TRPM3: variants seen among roughly 807,000 people sequenced by gnomAD.
TRPM3 encodes the protein long transient receptor potential channel 3.
TRPM3 carries 77 observed loss-of-function variants against 181.2 expected under a neutral mutation model. That is an observed-to-expected ratio of 0.42 (90% CI 0.35 to 0.51). The LOEUF (loss-of-function observed/expected upper bound fraction) is 0.51. Among genes scored for constraint, TRPM3 ranks in the 20% least tolerant of loss-of-function variants. The probability of loss-of-function intolerance (pLI) is 0.01; values close to 1 mark genes in which losing one functional copy is unlikely to be tolerated. For missense variants in TRPM3, 1,759 were observed against 2,196.7 expected (o/e 0.80, Z 3.98); for synonymous variants, 745 against 796.4 (o/e 0.94, Z 1.09).
intron 1 of TRPM3, among the ~76,000 whole-genome samples, chr9:71,202,562 A>C (rs2078874927): frequency 6.6e-6 from 1 of 152,132 alleles, no homozygotes; most frequent in Non-Finnish European, 1.5e-5. Context: ...CTTTTGGTTT[A>C]TGTTTATTTC....
rs188572288 is a variant in TRPM3 at position 70,793,886 on chromosome 9, G to T, written c.974-9607C>A. ...AACACTTTGTTATATAATAGACTTT[G>T]TGTTAGATGATTGTACCCATGTGTT... On this transcript the variant is annotated intron_variant, in intron 6 of 25. Transcript: ENST00000677713. Among the ~76,000 whole-genome samples the T allele has an allele frequency of 2.0e-3, 297 of 152,162 alleles. 2 individuals are homozygous for T. The highest frequency in any genetic ancestry group is 3.0e-3 in the Admixed American group (46 of 15,260).
At chr9:71,234,784 T>C (rs7861071) in intron 1 of TRPM3, among the ~76,000 whole-genome samples, 2 of 151,992 alleles carry the variant, frequency 1.3e-5, no homozygotes, top group Admixed American at 6.5e-5. Context: ...GTGTGCACAC[T>C]TTGGGAGATA....
chr9:71,095,917 T>G (rs1055922028), intron 1 of TRPM3, among the ~76,000 whole-genome samples: 3 of 152,044 alleles, frequency 2.0e-5, no homozygotes, highest in Non-Finnish European at 4.4e-5. Context: ...ACATGGAGTT[T>G]TCATCAGAAA....
At chr9:71,191,958 T>C (rs1565323000) in intron 1 of TRPM3, among the ~76,000 whole-genome samples, 1 of 151,750 alleles carries the variant, frequency 6.6e-6, no homozygotes. Context: ...CTCCCTCACA[T>C]AGCACTAAAT....
chr9:70,964,585 G>C (rs1253068176), intron 1 of TRPM3, among the ~76,000 whole-genome samples: 2 of 152,012 alleles, frequency 1.3e-5, no homozygotes, highest in African/African-American at 4.8e-5. Context: ...CGTGGTTGAG[G>C]AACTCACAGA....
At position 71,399,526 on chromosome 9, in the gene TRPM3, GTTTT is replaced by G. The variant is rs1166936123; in HGVS notation, c.183+47123_183+47126del. ...CATTTTACTCCTTATATTTTCTTTT[GTTTT>G]TTTTTTTTTTTTTTTTGAGAAGGAG... is the stretch of plus-strand genomic sequence containing the variant. On this transcript the variant is annotated intron_variant, in intron 1 of 24. Transcript: ENST00000357533. Among the ~76,000 whole-genome samples, 132 of 62,716 alleles carry G rather than the reference GTTTT, an allele frequency of 2.1e-3. 1 individual carries two copies. Among genetic ancestry groups the G allele is most frequent in the South Asian group, 0.013 (25 of 1,922 alleles). 41.1% of individuals were successfully genotyped at this position (62,716 alleles called of 152,430 possible).
chr9:70,682,192 C>T (rs2065628110), intron 8 of TRPM3, among the ~76,000 whole-genome samples: 1 of 151,996 alleles, frequency 6.6e-6, no homozygotes, highest in Non-Finnish European at 1.5e-5. Context: ...GATTTTGGGG[C>T]CCTTGCTATG....
chr9:70,583,557 A>G (rs575953470), intron 22 of TRPM3, among the ~76,000 whole-genome samples: 1 of 152,350 alleles, frequency 6.6e-6, no homozygotes, highest in East Asian at 1.9e-4. Context: ...GAAAAGGTTA[A>G]AGAAAAGTGG....
chr9:71,268,098 G>T (rs1237603877), intron 1 of TRPM3, among the ~76,000 whole-genome samples: 1 of 152,146 alleles, frequency 6.6e-6, no homozygotes, highest in Non-Finnish European at 1.5e-5. Context: ...TAATAAACTT[G>T]GGCTGGGTGT....
rs558876007 is a variant in TRPM3, at chr9:71,190,898, T to C, written c.183+255755A>G. On this transcript the variant is annotated intron_variant, in intron 1 of 24. Transcript: ENST00000357533. ...CAATGAAGGCCATTCACAGGTTCCC[T>C]GCCAACAAAACACTCTAGTGAAATC... Among the ~76,000 whole-genome samples the C allele has an allele frequency of 8.1e-4, 123 of 151,994 alleles. 1 individual carries two copies. The highest frequency in any genetic ancestry group is 2.9e-3 in the African/African-American group (119 of 41,528).
rs115990295 is a variant in TRPM3, at chr9:70,871,935, G to A, written c.178-7424C>T. 9.3e-3 allele frequency among the ~76,000 whole-genome samples: 1,409 copies of A among 151,922 alleles called. 19 individuals are homozygous for A. The highest frequency in any genetic ancestry group is 0.031 in the African/African-American group (1,292 of 41,478). ...AAAGTTTCTACTGGTACACAACTCC[G>A]TTTTGAAAAAGTGAAATCAGATTTT... On this transcript the variant is annotated intron_variant, in intron 1 of 25. Coordinates refer to ENST00000677713, the MANE Select transcript of TRPM3 (RefSeq NM_001366145.2).
chr9:70,612,571 T>C lies in TRPM3; in HGVS notation c.2527-1822A>G, dbSNP rs1484715886. 2.0e-5 allele frequency among the ~76,000 whole-genome samples: 3 copies of C among 152,344 alleles called. No homozygotes were observed. In the East Asian group the frequency reaches 5.8e-4, roughly 29 times the overall value. On this transcript the variant is annotated intron_variant, in intron 18 of 25. Coordinates refer to ENST00000677713, the MANE Select transcript of TRPM3 (RefSeq NM_001366145.2). Reference sequence around the variant, plus strand: ...TCACAAATGATTGACCTGTAACCAATAGGATTTCTGGAGAAGGTAACTTCC... The same window carrying C: ...TCACAAATGATTGACCTGTAACCAACAGGATTTCTGGAGAAGGTAACTTCC...
chr9:70,760,679 TTC>T (rs1491072345), intron 8 of TRPM3: 1 of 151,746 alleles, frequency 6.6e-6, no homozygotes, highest in Non-Finnish European at 1.5e-5. Context: ...TTTTTTTTTT[TTC>T]TAAACATTTT....
At chr9:71,405,434 A>G (rs1189869327) in intron 1 of TRPM3, among the ~76,000 whole-genome samples, 1 of 152,216 alleles carries the variant, frequency 6.6e-6, no homozygotes, top group African/African-American at 2.4e-5. Context: ...GATATTTTTA[A>G]TACCAGCAGA....
intron 1 of TRPM3, among the ~76,000 whole-genome samples, chr9:71,032,351 T>C (rs2057638346): frequency 6.7e-6 from 1 of 150,256 alleles, no homozygotes; most frequent in Non-Finnish European, 1.5e-5. Flanking sequence ...TGATGAAAGA[T>C]CTGGACCCAC....
intron 5 of TRPM3, among the ~76,000 whole-genome samples, chr9:70,835,731 A>G (rs1246863688): frequency 6.6e-6 from 1 of 152,164 alleles, no homozygotes; most frequent in Non-Finnish European, 1.5e-5. Context: ...TTGAAGTATT[A>G]TAAGGCTTAA....
At chr9:70,956,221 C>T (rs998647831) in intron 1 of TRPM3, among the ~76,000 whole-genome samples, 1 of 149,116 alleles carries the variant, frequency 6.7e-6, no homozygotes, top group Non-Finnish European at 1.5e-5. Flanking sequence ...AGAGCTTGGA[C>T]AGTTCTTAGG....
chr9:71,424,589 ATGAGTCCCTTTGCTTTTGTGT>A (rs1467331391), intron 1 of TRPM3, among the ~76,000 whole-genome samples: 1 of 152,132 alleles, frequency 6.6e-6, no homozygotes. Flanking sequence ...CTTATTCTGA[ATGAGTCCCTTTGCTTTTGTGT>A]ATAATTTTAT....
intron 1 of TRPM3, among the ~76,000 whole-genome samples, chr9:71,248,066 ACT>A (rs1237022428): frequency 1.3e-5 from 2 of 152,064 alleles, no homozygotes; most frequent in African/African-American, 4.8e-5. Context: ...AGTACATCTC[ACT>A]CTCTTTTGAT....
Sources: gnomAD v4.1 joint callset for allele counts (sites outside exome capture counted in the v4.1 genomes callset) on GRCh38, gnomAD v4.1.1 for gene constraint, MANE v1.5 for transcripts, NCBI Gene and HGNC (gene_info 2026-07-23, HGNC 2026-07-21) for gene names.